Variants in FLACC1 observed in about 807,000 individuals in gnomAD.
The protein encoded by FLACC1 is flagellum associated containing coiled-coil domains 1.
A neutral mutation model predicts 62.8 loss-of-function variants in FLACC1; 66 were observed. The ratio of observed to expected loss-of-function variants is 1.05; its 90% CI spans 0.86 to 1.29. The LOEUF (loss-of-function observed/expected upper bound fraction) is 1.29. Ranked by LOEUF, FLACC1 falls within the 50% of genes most tolerant of loss-of-function variation. The pLI is 0.00. For synonymous variants in FLACC1, 156 were observed against 161.0 expected, an observed-to-expected ratio of 0.97 and a Z score of 0.24; for missense variants, 452 against 489.1, an observed-to-expected ratio of 0.92 and a Z score of 0.71.
At chr2:201,327,472 A>AC (rs796440191) in intron 9 of FLACC1, among the ~76,000 whole-genome samples, 29 of 152,170 alleles carry the variant, frequency 1.9e-4, no homozygotes, top group African/African-American at 6.3e-4. Flanking sequence ...CAAGAAAAAA[A>AC]CAAATAATCC....
At chr2:201,325,538 C>A (rs576930731) in intron 9 of FLACC1, among the ~76,000 whole-genome samples, 1 of 152,030 alleles carries the variant, frequency 6.6e-6, no homozygotes, top group Non-Finnish European at 1.5e-5. Context: ...CTACTATGAA[C>A]GCCTTTTTGC....
intron 9 of FLACC1, 125 bp downstream of exon 9, chr2:201,330,345 T>C (rs938239812): frequency 2.2e-6 from 2 of 917,420 alleles, no homozygotes; most frequent in African/African-American, 1.7e-5. Flanking sequence ...TAGTGCCACT[T>C]AGGTCTAAGG....
chr2:201,297,458 T>C (rs779006781), intron 12 of FLACC1, among the ~76,000 whole-genome samples: 1 of 152,096 alleles, frequency 6.6e-6, no homozygotes, highest in Non-Finnish European at 1.5e-5. Context: ...GTTCTAGTTC[T>C]AGTAAAGGAG....
intron 7 of FLACC1, among the ~76,000 whole-genome samples, chr2:201,335,832 T>C (rs1950684827): frequency 6.6e-6 from 1 of 152,190 alleles, no homozygotes; most frequent in Non-Finnish European, 1.5e-5. Context: ...ATTTATTTGC[T>C]GCTTCTTCAA....
At position 201,289,570 on chromosome 2, in the gene FLACC1, A is replaced by G; in HGVS notation, c.1033-4T>C. Reference sequence around the variant, plus strand: ...CCAGATTTCCCACTATAGCTTTCTGAAAGACATACATTTTAATAGCCATCT... The same window carrying G: ...CCAGATTTCCCACTATAGCTTTCTGGAAGACATACATTTTAATAGCCATCT... On this transcript the variant is annotated splice_region_variant and splice_polypyrimidine_tract_variant and intron_variant, in intron 13 of 14. Coordinates refer to ENST00000392257, the MANE Select transcript of FLACC1 (RefSeq NM_001127391.3). 1 of 1,614,090 alleles carries G rather than the reference A, an allele frequency of 6.2e-7. No individual in the cohort carries two copies. Among genetic ancestry groups the G allele is most frequent in the Non-Finnish European group, 8.5e-7 (1 of 1,179,970 alleles).
chr2:201,308,515 G>C lies in FLACC1; in HGVS notation c.775+636C>G, dbSNP rs571205618. ...GTGGTTGGCGTGGAATGCGGAATAGGTCTGTAGAGGTCCCACTCCTACCTC... is the reference window on the plus strand; with the variant it reads ...GTGGTTGGCGTGGAATGCGGAATAGCTCTGTAGAGGTCCCACTCCTACCTC... On this transcript the variant is annotated intron_variant, in intron 10 of 14. Transcript: ENST00000392257. Among the ~76,000 whole-genome samples, 23 of 152,256 alleles carry C rather than the reference G, an allele frequency of 1.5e-4. No individual in the cohort carries two copies. In the South Asian group the frequency reaches 4.6e-3, roughly 30 times the overall value.
At chr2:201,298,580 A>G (rs183921909) in intron 12 of FLACC1, among the ~76,000 whole-genome samples, 7 of 152,342 alleles carry the variant, frequency 4.6e-5, no homozygotes, top group South Asian at 2.1e-4. Context: ...CATTTCTTGA[A>G]CTTGTAGGAC....
At chr2:201,313,013 G>A (rs1173445288) in intron 9 of FLACC1, among the ~76,000 whole-genome samples, 2 of 152,186 alleles carry the variant, frequency 1.3e-5, no homozygotes, top group Admixed American at 6.5e-5. Context: ...TCAATTTAGA[G>A]AACCAAGTGA....
chr2:201,327,934 TAAATA>T (rs1397515410), intron 9 of FLACC1, among the ~76,000 whole-genome samples: 1 of 152,154 alleles, frequency 6.6e-6, no homozygotes, highest in Non-Finnish European at 1.5e-5. Context: ...AATGAGTGGA[TAAATA>T]AAATGTGGCA....
intron 7 of FLACC1, among the ~76,000 whole-genome samples, chr2:201,338,487 G>C (rs922498793): frequency 2.0e-5 from 3 of 152,050 alleles, no homozygotes; most frequent in African/African-American, 7.2e-5. Flanking sequence ...CCAATTCTTA[G>C]AGGAAAAGTT....
At chr2:201,297,461 T>C (rs1949888048) in intron 12 of FLACC1, among the ~76,000 whole-genome samples, 1 of 151,920 alleles carries the variant, frequency 6.6e-6, no homozygotes, top group Admixed American at 6.6e-5. Flanking sequence ...CTAGTTCTAG[T>C]AAAGGAGATT....
chr2:201,301,451 C>T (rs1247351473), intron 11 of FLACC1, among the ~76,000 whole-genome samples: 2 of 152,170 alleles, frequency 1.3e-5, no homozygotes, highest in Non-Finnish European at 2.9e-5. Context: ...AAATCTACGT[C>T]TGATTGGTGT....
chr2:201,289,826 C>CT (rs772669693), intron 12 of FLACC1, 41 bp from the exon 13 acceptor site: 42 of 1,613,896 alleles, frequency 2.6e-5, no homozygotes, highest in South Asian at 4.4e-5. Flanking sequence ...ATGCCAATGT[C>CT]TATTTATTTG....
intron 9 of FLACC1, among the ~76,000 whole-genome samples, chr2:201,315,146 A>G (rs1950285966): frequency 6.6e-6 from 1 of 152,150 alleles, no homozygotes; most frequent in African/African-American, 2.4e-5. Flanking sequence ...AACAAAAACA[A>G]AAAAACCCAA....
chr2:201,341,580 T>C (rs944109429), intron 7 of FLACC1, among the ~76,000 whole-genome samples: 1 of 151,368 alleles, frequency 6.6e-6, no homozygotes, highest in Non-Finnish European at 1.5e-5. Flanking sequence ...GAGATTACTA[T>C]ATACATATAG....
chr2:201,320,070 A>G (rs1322558298), intron 9 of FLACC1, among the ~76,000 whole-genome samples: 1 of 152,178 alleles, frequency 6.6e-6, no homozygotes, highest in Admixed American at 6.5e-5. Context: ...TGACTTGGGG[A>G]GGGATGTGGA....
At chr2:201,341,562 T>C (rs1200573401) in intron 7 of FLACC1, among the ~76,000 whole-genome samples, 1 of 151,122 alleles carries the variant, frequency 6.6e-6, no homozygotes, top group Non-Finnish European at 1.5e-5. Flanking sequence ...CAAATGGTTA[T>C]AATAGTGGAG....
chr2:201,330,336 A>G, intron 9 of FLACC1, 134 bp downstream of exon 9: 2 of 771,868 alleles, frequency 2.6e-6, no homozygotes, highest in Non-Finnish European at 4.0e-6. Flanking sequence ...GGGTGCAGCT[A>G]GTGCCACTTA....
At chr2:201,353,967 G>A (rs913897054) in intron 1 of FLACC1, among the ~76,000 whole-genome samples, 1 of 152,180 alleles carries the variant, frequency 6.6e-6, no homozygotes, top group African/African-American at 2.4e-5. Context: ...TGGCCTAACA[G>A]AAGCATTAAA....
Sources: gnomAD v4.1 joint callset for allele counts (sites outside exome capture counted in the v4.1 genomes callset) on GRCh38, gnomAD v4.1.1 for gene constraint, MANE v1.5 for transcripts, NCBI Gene and HGNC (gene_info 2026-07-23, HGNC 2026-07-21) for gene names.